CENPT: variants seen among roughly 807,000 people sequenced by gnomAD.
CENPT encodes centromere protein T.
A neutral mutation model predicts 59.7 loss-of-function variants in CENPT; 42 were observed. That is an observed-to-expected ratio of 0.70 (90% CI 0.55 to 0.91). CENPT has a LOEUF of 0.91. CENPT is among the 40% of genes least tolerant of loss of function. The probability of loss-of-function intolerance (pLI) is 0.00; values close to 1 mark genes in which losing one functional copy is unlikely to be tolerated. For missense variants in CENPT, 716 were observed against 713.4 expected (o/e 1.00, Z -0.04); for synonymous variants, 295 against 289.6 (o/e 1.02, Z -0.19).
chr16:67,828,383 G>A lies in CENPT; in HGVS notation c.1570C>T (p.Leu524=), dbSNP rs371089781. 714 of 1,611,254 alleles carry A rather than the reference G, an allele frequency of 4.4e-4. 1 individual carries two copies. The highest frequency in any genetic ancestry group is 5.7e-4 in the Non-Finnish European group (670 of 1,177,836). Residue 524 remains leucine, a synonymous_variant, in exon 16 of 16, where the codon CTG becomes TTG. Transcript: ENST00000562787. ...DLELLMRRQG[L]VTDQVSLHVL... is the part of the protein sequence containing the mutation. ...TGCAGTGAGACTTGGTCAGTGACCA[G>A]GCCCTGCCTGCAGTGGAGGAAGAGA...
chr16:67,828,706 A>G lies in CENPT; in HGVS notation c.1418T>C (p.Met473Thr). 6.2e-7 allele frequency: 1 copy of G among 1,614,148 alleles called. No individual in the cohort carries two copies. The highest frequency in any genetic ancestry group is 8.5e-7 in the Non-Finnish European group (1 of 1,180,030). ...YVKLFSFYAKMPMERKALEMV... is the reference protein window; with the variant it reads ...YVKLFSFYAKTPMERKALEMV... ...CTCAAGAGCCTTCCTCTCCATGGGC[A>G]TCTTGGCATAGAAGCTAAAGAGTTT... The change falls in exon 14 of 16, where the codon ATG (methionine) becomes ACG (threonine). Residue 473 changes from methionine (M) to threonine (T), a missense_variant. Physicochemically the swap from Met to Thr is moderately conservative, Grantham distance 81 (BLOSUM62 -1). Coordinates refer to ENST00000562787, the MANE Select transcript of CENPT (RefSeq NM_025082.4).
chr16:67,846,753 C>T (rs1393571181), intron 1 of CENPT: 2 of 152,470 alleles, frequency 1.3e-5, no homozygotes, highest in African/African-American at 4.8e-5. Context: ...GGCAGCCTCC[C>T]TCCCTGGCTT....
In CENPT at chr16:67,843,017, G is replaced by T; in HGVS notation, c.-492+4384C>A. Reference sequence around the variant, plus strand: ...GCCGAACCTGGTATCTGCTTCCGCGGCCGTGCTTCTCACCCTTCAGGCCAC... The same window carrying T: ...GCCGAACCTGGTATCTGCTTCCGCGTCCGTGCTTCTCACCCTTCAGGCCAC... On this transcript the variant is annotated intron_variant, in intron 1 of 15. Coordinates refer to ENST00000562787, the MANE Select transcript of CENPT (RefSeq NM_025082.4). This position sits in a 1 kb window ranked among gnomAD's most constrained non-coding sequence, Gnocchi z 5.7. The T allele has an allele frequency of 6.2e-7, 1 of 1,612,572 alleles. No homozygotes were observed.
In CENPT at chr16:67,842,480, GGGC is replaced by G; in HGVS notation, c.-492+4918_-492+4920del. 8.4e-7 allele frequency: 1 copy of G among 1,196,400 alleles called. No homozygotes were observed. Among genetic ancestry groups the G allele is most frequent in the Non-Finnish European group, 1.1e-6 (1 of 946,964 alleles). The allele number at this position is 1,196,400 out of a possible 1,614,324, so 74.1% of individuals were successfully genotyped here. A position where few individuals can be genotyped will look rare whatever the true frequency, so the allele number is the denominator to read the frequency against. On this transcript the variant is annotated intron_variant, in intron 1 of 15. Transcript: ENST00000562787. This position sits in a 1 kb window ranked among gnomAD's most constrained non-coding sequence, Gnocchi z 4.9. The stretch of plus-strand genomic sequence containing the variant: ...CGCGCGGCGCCGCCCGTCGAGGGGC[GGGC>G]GGCGGCGTAGCCACTGGGCCGTCGA...
At chr16:67,829,055 C>T (rs943785301) in intron 13 of CENPT, 4 of 552,392 alleles carry the variant, frequency 7.2e-6, no homozygotes, top group South Asian at 5.2e-5. Context: ...ACAGTCGACT[C>T]GACATCCTGG....
chr16:67,844,852 G>C (rs945797119), intron 1 of CENPT, among the ~76,000 whole-genome samples: 1 of 151,484 alleles, frequency 6.6e-6, no homozygotes, highest in African/African-American at 2.4e-5. Flanking sequence ...GCAATGGTGT[G>C]ATCTCAGCTC....
At chr16:67,832,404 C>T (rs768900698) in intron 5 of CENPT, 51 bp downstream of exon 5, 6 of 1,609,334 alleles carry the variant, frequency 3.7e-6, no homozygotes, top group Non-Finnish European at 5.1e-6. Context: ...ACCTCAACCC[C>T]CCTCCCCGAG....
In CENPT at chr16:67,832,075, A is replaced by G. The variant is rs772181925; in HGVS notation, c.323T>C (p.Val108Ala). The change falls in exon 7 of 16, where the codon GTA (valine) becomes GCA (alanine). Residue 108 changes from valine to alanine, a missense_variant. Transcript: ENST00000562787. ...PESSILMPESVVKPVPAPQAV... is the reference protein window; with the variant it reads ...PESSILMPESAVKPVPAPQAV... ...CTGCGGTGCTGGCACTGGCTTCACT[A>G]CCGACTCAGGCATCAGGATGGAAGA... 2.5e-6 allele frequency: 4 copies of G among 1,612,258 alleles called. No individual in the cohort carries two copies. The highest frequency in any genetic ancestry group is 1.7e-4 in the Middle Eastern group (1 of 6,056).
chr16:67,842,422 C>T lies in CENPT; in HGVS notation c.-492+4979G>A. 1.8e-6 allele frequency: 1 copy of T among 570,230 alleles called. No individual in the cohort carries two copies. The highest frequency in any genetic ancestry group is 2.5e-6 in the Non-Finnish European group (1 of 405,538). 35.3% of individuals were successfully genotyped at this position (570,230 alleles called of 1,614,324 possible). A position where few individuals can be genotyped will look rare whatever the true frequency, so the allele number is the denominator to read the frequency against. ...GGGGCGCCGGGCGGGCCGGCTGCGC[C>T]GAGCGGCAGTGGTGGGATACCACCC... On this transcript the variant is annotated intron_variant, in intron 1 of 15. Coordinates refer to ENST00000562787, the MANE Select transcript of CENPT (RefSeq NM_025082.4). The surrounding 1 kb of genome is among the most constrained non-coding windows in gnomAD (Gnocchi z 4.9).
Position 67,843,197 on chromosome 16 carries a change from A to G in CENPT, c.-492+4204T>C, listed in dbSNP as rs772311449. On this transcript the variant is annotated intron_variant, in intron 1 of 15. Transcript: ENST00000562787. This position sits in a 1 kb window ranked among gnomAD's most constrained non-coding sequence, Gnocchi z 5.7. ...CGCCGCGTCGGAGTTACAGGCTGCT[A>G]CCGCAGGGCTGGAGGCTGCCGAGTG... 6.2e-7 allele frequency: 1 copy of G among 1,611,556 alleles called. No homozygotes were observed. The highest frequency in any genetic ancestry group is 8.5e-7 in the Non-Finnish European group (1 of 1,179,728).
chr16:67,833,856 C>A lies in CENPT; in HGVS notation c.4G>T (p.Ala2Ser). The A allele has an allele frequency of 6.5e-7, 1 of 1,542,244 alleles. No homozygotes were observed. The highest frequency in any genetic ancestry group is 8.7e-7 in the Non-Finnish European group (1 of 1,147,084). Residue 2 changes from alanine to serine, a missense_variant, in exon 4 of 16, where the codon GCT (alanine) becomes TCT (serine). Physicochemically the swap from Ala to Ser is moderately conservative, Grantham distance 99. Coordinates refer to ENST00000562787, the MANE Select transcript of CENPT (RefSeq NM_025082.4). The part of the protein sequence containing the change: M[A>S]DHNPDSDSTP... ...GAGTCGCTGTCAGGGTTGTGGTCAG[C>A]CATCGTCTCGGCCCCGGGCCCTCCT... is the stretch of plus-strand genomic sequence containing the variant.
chr16:67,843,203 G>C lies in CENPT; in HGVS notation c.-492+4198C>G, dbSNP rs773345194. On this transcript the variant is annotated intron_variant, in intron 1 of 15. Transcript: ENST00000562787. The surrounding 1 kb of genome is among the most constrained non-coding windows in gnomAD (Gnocchi z 5.7). ...GTCGGAGTTACAGGCTGCTACCGCA[G>C]GGCTGGAGGCTGCCGAGTGCCCTAT... The C allele has an allele frequency of 6.8e-6, 11 of 1,611,614 alleles. No homozygotes were observed. Among genetic ancestry groups the C allele is most frequent in the Non-Finnish European group, 9.3e-6 (11 of 1,179,732 alleles).
In CENPT at chr16:67,843,147, C is replaced by T. The variant is rs1002196565; in HGVS notation, c.-492+4254G>A. ...CTCACAGTGCAAGTGGAGTTTGCAG[C>T]CGCAGAGGGCGCAGCCGCTGCGGCC... On this transcript the variant is annotated intron_variant, in intron 1 of 15. Coordinates refer to ENST00000562787, the MANE Select transcript of CENPT (RefSeq NM_025082.4). This position sits in a 1 kb window ranked among gnomAD's most constrained non-coding sequence, Gnocchi z 5.7. 1.2e-6 allele frequency: 2 copies of T among 1,609,426 alleles called. No homozygotes were observed. The highest frequency in any genetic ancestry group is 2.2e-5 in the East Asian group (1 of 44,852).
At position 67,843,446 on chromosome 16, in the gene CENPT, G is replaced by A; in HGVS notation, c.-492+3955C>T. Reference sequence around the variant, plus strand: ...GGCCAAGCTGCGCGAAGAACTGCGTGAGAAGGATCGGCTGCTTGCCATGGC... The same window carrying A: ...GGCCAAGCTGCGCGAAGAACTGCGTAAGAAGGATCGGCTGCTTGCCATGGC... On this transcript the variant is annotated intron_variant, in intron 1 of 15. Transcript: ENST00000562787. This position sits in a 1 kb window ranked among gnomAD's most constrained non-coding sequence, Gnocchi z 5.7. 6.2e-7 allele frequency: 1 copy of A among 1,614,006 alleles called. No individual in the cohort carries two copies. Among genetic ancestry groups the A allele is most frequent in the Non-Finnish European group, 8.5e-7 (1 of 1,179,982 alleles).
At position 67,842,530 on chromosome 16, in the gene CENPT, C is replaced by T. The variant is rs1180765563; in HGVS notation, c.-492+4871G>A. On this transcript the variant is annotated intron_variant, in intron 1 of 15. Transcript: ENST00000562787. The surrounding 1 kb of genome is among the most constrained non-coding windows in gnomAD (Gnocchi z 4.9). ...TCGAAGAGCGCAGGAGGCCGGTGGG[C>T]CGGGCCGGGCCGCGCGGCGCAGCCA... The T allele has an allele frequency of 3.4e-6, 5 of 1,480,268 alleles. No individual in the cohort carries two copies. The highest frequency in any genetic ancestry group is 1.8e-4 in the Middle Eastern group (1 of 5,524). 91.7% of individuals were successfully genotyped at this position (1,480,268 alleles called of 1,614,324 possible). A position where few individuals can be genotyped will look rare whatever the true frequency, so the allele number is the denominator to read the frequency against.
chr16:67,829,462 T>G lies in CENPT; in HGVS notation c.1241A>C (p.His414Pro). 6.3e-7 allele frequency: 1 copy of G among 1,582,860 alleles called. No homozygotes were observed. Among genetic ancestry groups the G allele is most frequent in the Non-Finnish European group, 8.5e-7 (1 of 1,171,932 alleles). The change falls in exon 13 of 16, where the codon CAT (histidine) becomes CCT (proline). Residue 414 changes from histidine to proline, a missense_variant. Coordinates refer to ENST00000562787, the MANE Select transcript of CENPT (RefSeq NM_025082.4). ...TPESLQARRH[H>P]QFLEPAPAPG... ...CGCTGGGGCTGGCTCAAGAAACTGA[T>G]GATGTCGCCTGGCCTGGAGAGACTC...
chr16:67,828,270 C>T lies in CENPT; in HGVS notation c.1683G>A (p.Gln561=). ...GGAAAGTGTTGAAGCCTGGCCACTACTGGGCAGGGAAGACAGAGTTGCCAC... is the reference window on the plus strand; with the variant it reads ...GGAAAGTGTTGAAGCCTGGCCACTATTGGGCAGGGAAGACAGAGTTGCCAC... ...AYSGNSVFPA[Q] Residue 561 remains glutamine, a synonymous_variant, in exon 16 of 16, where the codon CAG becomes CAA. Coordinates refer to ENST00000562787, the MANE Select transcript of CENPT (RefSeq NM_025082.4). The T allele has an allele frequency of 1.9e-6, 3 of 1,589,064 alleles. No homozygotes were observed. The highest frequency in any genetic ancestry group is 2.6e-6 in the Non-Finnish European group (3 of 1,164,020).
At position 67,843,099 on chromosome 16, in the gene CENPT, G is replaced by A. The variant is rs1396424337; in HGVS notation, c.-492+4302C>T. On this transcript the variant is annotated intron_variant, in intron 1 of 15. Transcript: ENST00000562787. The surrounding 1 kb of genome is among the most constrained non-coding windows in gnomAD (Gnocchi z 5.7). Reference sequence around the variant, plus strand: ...CAGCCGGCGCCCATCACTCCCACTGGAGAAGACGTGAAGCCCATCGATCTC... The same window carrying A: ...CAGCCGGCGCCCATCACTCCCACTGAAGAAGACGTGAAGCCCATCGATCTC... 1 of 1,610,928 alleles carries A rather than the reference G, an allele frequency of 6.2e-7. No homozygotes were observed. Among genetic ancestry groups the A allele is most frequent in the Admixed American group, 1.7e-5 (1 of 60,020 alleles).
At chr16:67,837,266 T>G (rs2057739618) in intron 1 of CENPT, among the ~76,000 whole-genome samples, 1 of 152,012 alleles carries the variant, frequency 6.6e-6, no homozygotes, top group South Asian at 2.1e-4. Context: ...CTCAACCTTC[T>G]GGACTCAAGC....
Sources: allele counts gnomAD v4.1 joint callset (sites outside exome capture counted in the v4.1 genomes callset), GRCh38; gene constraint gnomAD v4.1.1; non-coding constraint Gnocchi (gnomAD v3.1); transcripts MANE v1.5; gene names NCBI Gene and HGNC (gene_info 2026-07-23, HGNC 2026-07-21).